MEP1A: variants seen among roughly 807,000 people sequenced by gnomAD.
The protein encoded by MEP1A is N-benzoyl-L-tyrosyl-P-amino-benzoic acid hydrolase subunit alpha.
A neutral mutation model predicts 84.5 loss-of-function variants in MEP1A; 68 were observed. That is an observed-to-expected ratio of 0.80 (90% CI 0.66 to 0.98). The LOEUF (loss-of-function observed/expected upper bound fraction) is 0.98. MEP1A is among the 50% of genes least tolerant of loss of function. The pLI is 0.00. For missense variants in MEP1A, 887 were observed against 919.9 expected, an observed-to-expected ratio of 0.96 and a Z score of 0.46; for synonymous variants, 337 against 336.8, an observed-to-expected ratio of 1.00 and a Z score of -0.01.
In MEP1A at chr6:46,793,866, G is replaced by C. The variant is rs924844116; in HGVS notation, c.145+150G>C. The C allele has an allele frequency of 1.1e-5, 7 of 622,778 alleles. No homozygotes were observed. In the African/African-American group the frequency reaches 1.3e-4, roughly 12 times the overall value. The allele number at this position is 622,778 out of a possible 1,614,324, so 38.6% of individuals were successfully genotyped here. Reference sequence around the variant, plus strand: ...TTGTGAGAAATTGCATTTTCTGAAAGATAAAAATGCGGAAAGAGAAGATAG... The same window carrying C: ...TTGTGAGAAATTGCATTTTCTGAAACATAAAAATGCGGAAAGAGAAGATAG... On this transcript the variant is annotated intron_variant, in intron 3 of 13. Coordinates refer to ENST00000230588, the MANE Select transcript of MEP1A (RefSeq NM_005588.3).
intron 5 of MEP1A, among the ~76,000 whole-genome samples, chr6:46,803,897 T>A (rs1287579098): frequency 6.6e-6 from 1 of 151,698 alleles, no homozygotes; most frequent in Non-Finnish European, 1.5e-5. Flanking sequence ...AAAAATATTG[T>A]CCTTAGCGTT....
At position 46,825,006 on chromosome 6, in the gene MEP1A, G is replaced by GATCTATTTAAA. The variant is rs1562113931; in HGVS notation, c.557-266_557-265insATCTATTTAAA. ...TATATATTTAAATAGATCTATTTAAGTATATATAAATTATATATTTAAATA... is the reference window on the plus strand; with the variant it reads ...TATATATTTAAATAGATCTATTTAAGATCTATTTAAATATATATAAATTATATATTTAAATA... On this transcript the variant is annotated intron_variant, in intron 7 of 13. Transcript: ENST00000230588. Among the ~76,000 whole-genome samples the GATCTATTTAAA allele has an allele frequency of 4.4e-4, 18 of 40,824 alleles. 1 individual carries two copies. Among genetic ancestry groups the GATCTATTTAAA allele is most frequent in the Admixed American group, 9.2e-4 (3 of 3,266 alleles). 26.8% of individuals were successfully genotyped at this position (40,824 alleles called of 152,430 possible). A position where few individuals can be genotyped will look rare whatever the true frequency, so the allele number is the denominator to read the frequency against.
At chr6:46,843,359 G>A (rs1407507527), downstream of MEP1A, among the ~76,000 whole-genome samples, 3 of 152,146 alleles carry the variant, frequency 2.0e-5, no homozygotes, top group Non-Finnish European at 4.4e-5. Flanking sequence ...GGAAAACTAG[G>A]ACCAAACAGA....
At chr6:46,815,442 C>T (rs374659502) in intron 6 of MEP1A, among the ~76,000 whole-genome samples, 1 of 152,218 alleles carries the variant, frequency 6.6e-6, no homozygotes, top group East Asian at 1.9e-4. Flanking sequence ...CTTATTCCCA[C>T]CTTGCCCCTT....
Position 46,825,412 on chromosome 6 carries a change from C to A in MEP1A, c.697C>A (p.Pro233Thr), listed in dbSNP as rs1328092582. 1.9e-6 allele frequency: 3 copies of A among 1,613,814 alleles called. No individual in the cohort carries two copies. Among genetic ancestry groups the A allele is most frequent in the Non-Finnish European group, 2.5e-6 (3 of 1,179,874 alleles). ...TGTTCCCACCATCACAGCCAAGATC[C>A]CTGAGTTTAACTCCATTATCGGACA... The part of the protein sequence containing the change: ...ASVPTITAKI[P>T]EFNSIIGQRL... The change falls in exon 8 of 14, where the codon CCT (proline) becomes ACT (threonine). Residue 233 changes from proline (P) to threonine (T), a missense_variant. Coordinates refer to ENST00000230588, the MANE Select transcript of MEP1A (RefSeq NM_005588.3).
At chr6:46,817,764 T>A (rs1421490799) in intron 6 of MEP1A, among the ~76,000 whole-genome samples, 1 of 152,232 alleles carries the variant, frequency 6.6e-6, no homozygotes, top group African/African-American at 2.4e-5. Flanking sequence ...GATTAAGGGG[T>A]AGGTCAGCTT....
chr6:46,823,342 T>C (rs1767825859), intron 7 of MEP1A, among the ~76,000 whole-genome samples: 2 of 152,334 alleles, frequency 1.3e-5, no homozygotes, highest in South Asian at 4.1e-4. Flanking sequence ...CCAGGCACGG[T>C]GGCTCATGCC....
chr6:46,810,868 T>A (rs900820265), intron 6 of MEP1A, among the ~76,000 whole-genome samples: 3 of 152,154 alleles, frequency 2.0e-5, no homozygotes, highest in African/African-American at 7.2e-5. Context: ...TTGGTGACTA[T>A]GGCCTTACAG....
intron 10 of MEP1A, 89 bp downstream of exon 10, chr6:46,829,660 CCTT>C: frequency 2.2e-6 from 2 of 913,690 alleles, no homozygotes; most frequent in Non-Finnish European, 3.6e-6. Flanking sequence ...TCCTACTCCT[CCTT>C]CTTCTCTCTC....
intron 5 of MEP1A, among the ~76,000 whole-genome samples, chr6:46,800,656 G>A (rs928710266): frequency 6.6e-6 from 1 of 152,186 alleles, no homozygotes; most frequent in East Asian, 1.9e-4. Context: ...TTTCTAACTA[G>A]AGTTGAATAT....
At position 46,829,542 on chromosome 6, in the gene MEP1A, G is replaced by T. The variant is rs768801288; in HGVS notation, c.1115G>T (p.Arg372Leu). The change falls in exon 10 of 14, where the codon CGC becomes CTC. Residue 372 changes from arginine (R) to leucine (L), a missense_variant. Arg to Leu is a moderately radical substitution (Grantham distance 102). Coordinates refer to ENST00000230588, the MANE Select transcript of MEP1A (RefSeq NM_005588.3). ...VRRDDSTGNVRKLVKVQTFQG... is the reference protein window; with the variant it reads ...VRRDDSTGNVLKLVKVQTFQG... ...AGGGATGACAGCACAGGCAATGTTC[G>T]CAAGTTGGTGAAGGTGCAGACTTTT... The T allele has an allele frequency of 8.7e-6, 14 of 1,613,954 alleles. No homozygotes were observed. The highest frequency in any genetic ancestry group is 1.2e-5 in the Non-Finnish European group (14 of 1,179,966).
chr6:46,830,085 TA>T (rs1301030830), intron 10 of MEP1A, among the ~76,000 whole-genome samples: 1 of 151,526 alleles, frequency 6.6e-6, no homozygotes, highest in Non-Finnish European at 1.5e-5. Flanking sequence ...CCGTCTCTAC[TA>T]AAAATGCAAA....
At chr6:46,823,647 G>C (rs1376954316) in intron 7 of MEP1A, among the ~76,000 whole-genome samples, 2 of 152,108 alleles carry the variant, frequency 1.3e-5, no homozygotes, top group Non-Finnish European at 2.9e-5. Flanking sequence ...AAAGTGACTG[G>C]ACAAGGAGCT....
chr6:46,822,309 G>T (rs1385065912), intron 7 of MEP1A, among the ~76,000 whole-genome samples: 2 of 152,180 alleles, frequency 1.3e-5, no homozygotes, highest in Admixed American at 6.5e-5. Flanking sequence ...ACTGATCCCT[G>T]GTTTACAGGA....
At chr6:46,844,692 C>A (rs1279485855), downstream of MEP1A, among the ~76,000 whole-genome samples, 2 of 152,204 alleles carry the variant, frequency 1.3e-5, no homozygotes, top group Non-Finnish European at 2.9e-5. Flanking sequence ...AAAATGGTCA[C>A]CAACATCCAT....
chr6:46,798,578 C>G, intron 3 of MEP1A, 28 bp from the exon 4 acceptor site: 1 of 1,596,748 alleles, frequency 6.3e-7, no homozygotes, highest in Non-Finnish European at 8.6e-7. Flanking sequence ...CTCAAATATT[C>G]TTTTTTTAAA....
At chr6:46,825,111 A>C (rs1767905560) in intron 7 of MEP1A, among the ~76,000 whole-genome samples, 161 bp from the exon 8 acceptor site, 1 of 143,590 alleles carries the variant, frequency 7.0e-6, no homozygotes. Context: ...AAATAAATCT[A>C]TTTAAATATT....
intron 7 of MEP1A, among the ~76,000 whole-genome samples, chr6:46,822,570 G>C (rs759604773): frequency 2.6e-5 from 4 of 152,098 alleles, no homozygotes; most frequent in Non-Finnish European, 4.4e-5. Flanking sequence ...TTGAGACAGA[G>C]CCTTGCTCTG....
intron 5 of MEP1A, among the ~76,000 whole-genome samples, chr6:46,803,986 A>T (rs1279676319): frequency 1.3e-5 from 2 of 151,680 alleles, no homozygotes; most frequent in African/African-American, 4.8e-5. Flanking sequence ...TATATTTTCC[A>T]TCTACATGCT....
Sources: allele counts gnomAD v4.1 joint callset (sites outside exome capture counted in the v4.1 genomes callset), GRCh38; gene constraint gnomAD v4.1.1; transcripts MANE v1.5; gene names NCBI Gene and HGNC (gene_info 2026-07-23, HGNC 2026-07-21).